The following SACS variants were observed in gnomAD, a reference collection of about 807,000 sequenced individuals.
SACS encodes the protein sacsin molecular chaperone.
A neutral mutation model predicts 348.0 loss-of-function variants in SACS; 197 were observed. The ratio of observed to expected loss-of-function variants is 0.57; its 90% CI spans 0.50 to 0.64. SACS has a LOEUF of 0.64. Among genes scored for constraint, SACS ranks in the 30% least tolerant of loss-of-function variants. The pLI is 0.00. For synonymous variants in SACS, 1,985 were observed against 1,910.6 expected (o/e 1.04, Z -1.02); for missense variants, 4,999 against 5,360.8 (o/e 0.93, Z 2.11).
chr13:23,388,346 A>G (rs944816267), intron 2 of SACS, among the ~76,000 whole-genome samples: 7 of 149,892 alleles, frequency 4.7e-5, no homozygotes, highest in Admixed American at 4.0e-4. Context: ...AAAAAAAAAA[A>G]AAAGAAAAAA....
Position 23,336,711 on chromosome 13 carries a change from C to T in SACS, c.7165G>A (p.Val2389Met), listed in dbSNP as rs142869943. 674 of 1,613,826 alleles carry T rather than the reference C, an allele frequency of 4.2e-4. 1 individual carries two copies. The highest frequency in any genetic ancestry group is 3.3e-4 in the Non-Finnish European group (388 of 1,179,864). The change falls in exon 10 of 10, where the codon GTG becomes ATG. Residue 2389 changes from valine (V) to methionine (M), a missense_variant. By Grantham distance (21) the Val-to-Met change is conservative. This residue lies in a region of SACS where 3,156 missense variants were observed against 3,380.1 expected (regional missense o/e 0.93). Coordinates refer to ENST00000382292, the MANE Select transcript of SACS (RefSeq NM_014363.6). ...KNNFRELFET[V>M]GVRQSCTVED... ...ACAGTGCATGACTGCCTCACACCCA[C>T]GGTTTCAAAAAGTTCGCGGAAATTA...
In SACS at chr13:23,333,886, A is replaced by C; in HGVS notation, c.9990T>G (p.Ile3330Met). The C allele has an allele frequency of 6.2e-7, 1 of 1,613,876 alleles. No homozygotes were observed. The highest frequency in any genetic ancestry group is 2.2e-5 in the East Asian group (1 of 44,870). Reference sequence around the variant, plus strand: ...AACAGATTTTGTTCAAAGCAAGCTGAATACAGCCAGCTTTCATTAGAGCAT... The same window carrying C: ...AACAGATTTTGTTCAAAGCAAGCTGCATACAGCCAGCTTTCATTAGAGCAT... ...VFHALMKAGC[I>M]QLALNKICSK... The change falls in exon 10 of 10, where the codon ATT (isoleucine) becomes ATG (methionine). Residue 3330 changes from isoleucine to methionine, a missense_variant. By Grantham distance (10) the Ile-to-Met change is conservative (BLOSUM62 1). This residue lies in a region of SACS where 734 missense variants were observed against 694.0 expected (regional missense o/e 1.06). Transcript: ENST00000382292.
At chr13:23,374,794 A>C (rs1325875444) in intron 3 of SACS, among the ~76,000 whole-genome samples, 1 of 152,236 alleles carries the variant, frequency 6.6e-6, no homozygotes, top group African/African-American at 2.4e-5. Flanking sequence ...AACTTATTAC[A>C]TAAATAGAAA....
intron 1 of SACS, among the ~76,000 whole-genome samples, chr13:23,430,323 C>G (rs1298785298): frequency 2.0e-5 from 3 of 152,112 alleles, no homozygotes; most frequent in Admixed American, 2.0e-4. Context: ...AACTAATATC[C>G]TTAAGCTCTA....
rs974447494 is a variant in SACS at position 23,396,853 on chromosome 13, G to A, written c.20+14367C>T. Reference sequence around the variant, plus strand: ...GTTTCTAAAATCTTTTTGGCAACTGGCAGCCTTAGAGTTATACTAAGTAAT... The same window carrying A: ...GTTTCTAAAATCTTTTTGGCAACTGACAGCCTTAGAGTTATACTAAGTAAT... On this transcript the variant is annotated intron_variant, in intron 2 of 9. Transcript: ENST00000382292. Among the ~76,000 whole-genome samples the A allele has an allele frequency of 2.3e-4, 35 of 152,070 alleles. 1 individual carries two copies. The highest frequency in any genetic ancestry group is 4.1e-4 in the Non-Finnish European group (28 of 67,986).
intron 2 of SACS, among the ~76,000 whole-genome samples, chr13:23,387,831 G>A (rs1033953824): frequency 1.3e-5 from 2 of 152,030 alleles, no homozygotes; most frequent in Non-Finnish European, 2.9e-5. Flanking sequence ...AGAATATGGC[G>A]GTGAGGTACT....
At chr13:23,345,486 CACT>C (rs1170034792) in intron 9 of SACS, among the ~76,000 whole-genome samples, 1 of 152,160 alleles carries the variant, frequency 6.6e-6, no homozygotes, top group Non-Finnish European at 1.5e-5. Flanking sequence ...AAAAAATCAC[CACT>C]GACACTCTGA....
At chr13:23,363,259 C>T (rs908624253) in intron 6 of SACS, among the ~76,000 whole-genome samples, 1 of 151,116 alleles carries the variant, frequency 6.6e-6, no homozygotes, top group Non-Finnish European at 1.5e-5. Context: ...CACAGTTTCG[C>T]TCTTGTTGCC....
In SACS at chr13:23,335,465, T is replaced by C; in HGVS notation, c.8411A>G (p.Tyr2804Cys). The C allele has an allele frequency of 6.2e-7, 1 of 1,613,738 alleles. No homozygotes were observed. The highest frequency in any genetic ancestry group is 8.5e-7 in the Non-Finnish European group (1 of 1,179,846). The change falls in exon 10 of 10, where the codon TAT becomes TGT. Residue 2804 changes from tyrosine (Y) to cysteine (C), a missense_variant. This residue lies in a region of SACS where 3,156 missense variants were observed against 3,380.1 expected (regional missense o/e 0.93). Coordinates refer to ENST00000382292, the MANE Select transcript of SACS (RefSeq NM_014363.6). The surrounding 1 kb of genome is among the most constrained non-coding windows in gnomAD (Gnocchi z 4.7). ...TTCAGAGTCCTCAGTATCCATAGTA[T>C]AGGTTATTTGTTGAACTGGTATGTC... is the stretch of plus-strand genomic sequence containing the variant. ...LKDIPVQQIT[Y>C]TMDTEDSEGN...
rs199474695 is a variant in SACS at position 23,365,209 on chromosome 13, G to A, written c.414C>T (p.Tyr138=). 3.5e-5 allele frequency: 57 copies of A among 1,612,692 alleles called. No individual in the cohort carries two copies. The highest frequency in any genetic ancestry group is 5.5e-5 in the South Asian group (5 of 90,522). The change falls in exon 6 of 10, where the codon TAC becomes TAT. Residue 138 remains tyrosine (Y), a synonymous_variant. Coordinates refer to ENST00000382292, the MANE Select transcript of SACS (RefSeq NM_014363.6). ...CTTTTGACCAAAGAGTCTCTGTTCC[G>A]TATTGAGTTTCATCATATAAAAATT... is the stretch of plus-strand genomic sequence containing the variant. ...EVKFLYDETQ[Y]GTETLWSKDM... is the part of the protein sequence containing the mutation.
chr13:23,333,434 A>C lies in SACS; in HGVS notation c.10442T>G (p.Leu3481Arg), dbSNP rs1883621058. ...AGAGAGATTTTCAATTTTTGGTAAG[A>C]GGTGTTTCAAATATACCTCAAGATC... is the stretch of plus-strand genomic sequence containing the variant. ...VDDLEVYLKH[L>R]LPKIENLSYD... is the part of the protein sequence containing the mutation. The change falls in exon 10 of 10, where the codon CTC becomes CGC. Residue 3481 changes from leucine to arginine, a missense_variant. Around this residue, in one of 6 missense-constraint regions of SACS, gnomAD observed 734 missense variants for 694.0 expected, o/e 1.06. Transcript: ENST00000382292. 2 of 1,611,288 alleles carry C rather than the reference A, an allele frequency of 1.2e-6. No homozygotes were observed. The highest frequency in any genetic ancestry group is 1.7e-6 in the Non-Finnish European group (2 of 1,178,822).
chr13:23,425,314 C>G (rs1046563243), intron 1 of SACS, among the ~76,000 whole-genome samples: 1 of 151,688 alleles, frequency 6.6e-6, no homozygotes, highest in Admixed American at 6.6e-5. Context: ...TACCTGGGAC[C>G]TTGTGTCCAC....
Position 23,334,411 on chromosome 13 carries a change from A to G in SACS, c.9465T>C (p.Leu3155=), listed in dbSNP as rs1593125038. 6 of 1,613,194 alleles carry G rather than the reference A, an allele frequency of 3.7e-6. No homozygotes were observed. Among genetic ancestry groups the G allele is most frequent in the Non-Finnish European group, 5.1e-6 (6 of 1,179,790 alleles). ...ENEIEVEGLP[L]LITLDSVLQT... ...GCAAAACACTGTCCAGTGTGATGAG[A>G]AGGGGCAATCCCTCAACTTCAATCT... Residue 3155 remains leucine (L), a synonymous_variant, in exon 10 of 10, where the codon CTT becomes CTC. Coordinates refer to ENST00000382292, the MANE Select transcript of SACS (RefSeq NM_014363.6).
chr13:23,344,599 C>G (rs938847623), intron 9 of SACS, among the ~76,000 whole-genome samples: 1 of 152,216 alleles, frequency 6.6e-6, no homozygotes, highest in Admixed American at 6.5e-5. Flanking sequence ...AAACAAGTCT[C>G]CATGTCCTGG....
intron 5 of SACS, among the ~76,000 whole-genome samples, chr13:23,365,843 C>T (rs1364941129): frequency 6.6e-6 from 1 of 152,158 alleles, no homozygotes; most frequent in East Asian, 1.9e-4. Context: ...TCAGGACTGA[C>T]TCATTCCTTT....
rs1329516752 is a variant in SACS at position 23,333,998 on chromosome 13, A to C, written c.9878T>G (p.Leu3293Arg). The change falls in exon 10 of 10, where the codon CTT (leucine) becomes CGT (arginine). Residue 3293 changes from leucine (L) to arginine (R), a missense_variant. Transcript: ENST00000382292. ...CAGAACATCTCCTTCAGGAACCACA[A>C]GCTGGTTGGCTGAAACAGTAAACTT... ...GTKFTVSANQ[L>R]VVPEGDVLLP... 1 of 1,613,908 alleles carries C rather than the reference A, an allele frequency of 6.2e-7. No homozygotes were observed. Among genetic ancestry groups the C allele is most frequent in the South Asian group, 1.1e-5 (1 of 91,068 alleles).
chr13:23,424,145 G>A (rs1343400533), intron 1 of SACS, among the ~76,000 whole-genome samples: 1 of 152,156 alleles, frequency 6.6e-6, no homozygotes, highest in Non-Finnish European at 1.5e-5. Flanking sequence ...GTGTGAAGAA[G>A]CTTTCTGATG....
chr13:23,336,700 C>T lies in SACS; in HGVS notation c.7176G>A (p.Arg2392=), dbSNP rs771352620. The change falls in exon 10 of 10, where the codon AGG becomes AGA. Residue 2392 remains arginine (R), a synonymous_variant. Transcript: ENST00000382292. ...CAAAATCTTCAACAGTGCATGACTGCCTCACACCCACGGTTTCAAAAAGTT... is the reference window on the plus strand; with the variant it reads ...CAAAATCTTCAACAGTGCATGACTGTCTCACACCCACGGTTTCAAAAAGTT... The part of the protein sequence containing the change: ...FRELFETVGV[R]QSCTVEDFAL... The T allele has an allele frequency of 6.2e-7, 1 of 1,613,832 alleles. No homozygotes were observed. Among genetic ancestry groups the T allele is most frequent in the South Asian group, 1.1e-5 (1 of 91,072 alleles).
chr13:23,382,081 CAGGCATCCACCACTGGA>C (rs1274380929), intron 2 of SACS, among the ~76,000 whole-genome samples: 1 of 152,234 alleles, frequency 6.6e-6, no homozygotes, highest in Non-Finnish European at 1.5e-5. Flanking sequence ...TAGTAGTTGG[CAGGCATCCACCACTGGA>C]GGGGACACAA....
Sources: gnomAD v4.1 joint callset for allele counts (sites outside exome capture counted in the v4.1 genomes callset) on GRCh38, gnomAD v4.1.1 for gene constraint, gnomAD v4.1.1 regional missense constraint, Gnocchi (gnomAD v3.1) non-coding constraint, MANE v1.5 for transcripts, NCBI Gene and HGNC (gene_info 2026-07-23, HGNC 2026-07-21) for gene names.